SPOPL: variants seen among roughly 807,000 people sequenced by gnomAD.
SPOPL encodes speckle type BTB/POZ protein like, also known as speckle-type POZ protein-like.
A neutral mutation model predicts 53.8 loss-of-function variants in SPOPL; 23 were observed. That is an observed-to-expected ratio of 0.43 (90% CI 0.31 to 0.61). The LOEUF (loss-of-function observed/expected upper bound fraction) is 0.61. SPOPL is among the 20% of genes least tolerant of loss of function. The probability of loss-of-function intolerance (pLI) is 0.12; values close to 1 mark genes in which losing one functional copy is unlikely to be tolerated. For synonymous variants in SPOPL, 164 were observed against 149.7 expected, an observed-to-expected ratio of 1.10 and a Z score of -0.70; for missense variants, 442 against 466.9, an observed-to-expected ratio of 0.95 and a Z score of 0.49.
intron 4 of SPOPL, among the ~76,000 whole-genome samples, chr2:138,551,405 GT>G (rs1685311346): frequency 6.6e-6 from 1 of 151,904 alleles, no homozygotes; most frequent in South Asian, 2.1e-4. Context: ...TTTTTGCCAG[GT>G]AATAAAATCT....
At chr2:138,566,284 G>A (rs183332270) in intron 10 of SPOPL, among the ~76,000 whole-genome samples, 114 of 152,114 alleles carry the variant, frequency 7.5e-4, no homozygotes, top group African/African-American at 2.4e-3. Flanking sequence ...TGAGTTTAAA[G>A]TATACTATAT....
At position 138,554,418 on chromosome 2, in the gene SPOPL, C is replaced by T. The variant is rs150308256; in HGVS notation, c.480+1737C>T. The T allele has an allele frequency of 1.4e-5, 17 of 1,208,122 alleles. No homozygotes were observed. In the East Asian group the frequency reaches 4.4e-4, roughly 31 times the overall value. The allele number at this position is 1,208,122 out of a possible 1,614,324, so 74.8% of individuals were successfully genotyped here. On this transcript the variant is annotated intron_variant, in intron 5 of 10. Transcript: ENST00000280098. Reference sequence around the variant, plus strand: ...TCCACTGTTTGTTCCACCCCGCTCACGGATGCCCTTCCTTCTACAGAATCT... The same window carrying T: ...TCCACTGTTTGTTCCACCCCGCTCATGGATGCCCTTCCTTCTACAGAATCT...
intron 1 of SPOPL, among the ~76,000 whole-genome samples, chr2:138,542,671 G>C (rs1411255392): frequency 6.6e-6 from 1 of 152,062 alleles, no homozygotes; most frequent in Non-Finnish European, 1.5e-5. Flanking sequence ...CACACTGATG[G>C]GTCTTGACTC....
At chr2:138,541,643 T>C (rs1372181202) in intron 1 of SPOPL, among the ~76,000 whole-genome samples, 1 of 152,220 alleles carries the variant, frequency 6.6e-6, no homozygotes, top group Non-Finnish European at 1.5e-5. Flanking sequence ...TTTATTAGTC[T>C]TGCTAGCGGT....
At chr2:138,505,594 T>TAAAAAAAAAA (rs1169614974) in intron 1 of SPOPL, among the ~76,000 whole-genome samples, 3 of 75,086 alleles carry the variant, frequency 4.0e-5, no homozygotes, top group African/African-American at 1.4e-4. Context: ...GTGTCTCTTC[T>TAAAAAAAAAA]AAAAAAAAAA....
intron 1 of SPOPL, among the ~76,000 whole-genome samples, chr2:138,535,611 G>A (rs1002772594): frequency 1.3e-5 from 1 of 79,488 alleles, no homozygotes; most frequent in Non-Finnish European, 2.4e-5. Flanking sequence ...CCATGTGTTT[G>A]TGGGTTTCTT....
rs1331504191 is a variant in SPOPL, at chr2:138,510,964, T to A, written c.-61+8845T>A. ...ACTTAGGATCAGTTTAAACCTTTAC[T>A]AACTGTTTAGGAATTAAGTTTTGGT... On this transcript the variant is annotated intron_variant, in intron 1 of 10. Coordinates refer to ENST00000280098, the MANE Select transcript of SPOPL (RefSeq NM_001001664.3). 7.9e-5 allele frequency among the ~76,000 whole-genome samples: 12 copies of A among 152,188 alleles called. 1 individual carries two copies. The highest frequency in any genetic ancestry group is 7.9e-4 in the Admixed American group (12 of 15,270).
intron 1 of SPOPL, among the ~76,000 whole-genome samples, chr2:138,506,903 G>A (rs1290868796): frequency 1.3e-5 from 2 of 152,148 alleles, no homozygotes; most frequent in Non-Finnish European, 2.9e-5. Context: ...TAAGCCCTAT[G>A]AATCTTTCAC....
intron 1 of SPOPL, among the ~76,000 whole-genome samples, chr2:138,511,525 A>G (rs1179373618): frequency 6.6e-6 from 1 of 152,202 alleles, no homozygotes; most frequent in African/African-American, 2.4e-5. Context: ...TATCTCATTT[A>G]CTTCTAATCA....
chr2:138,552,449 G>A (rs1407340005), intron 4 of SPOPL, 105 bp from the exon 5 acceptor site: 1 of 1,308,914 alleles, frequency 7.6e-7, no homozygotes, highest in East Asian at 2.5e-5. Context: ...TATGATGGAT[G>A]TATTGACAAG....
At chr2:138,552,844 TCAGTGTAATGACC>T (rs1258954382) in intron 5 of SPOPL, among the ~76,000 whole-genome samples, 163 bp downstream of exon 5, 1 of 152,066 alleles carries the variant, frequency 6.6e-6, no homozygotes, top group Non-Finnish European at 1.5e-5. Flanking sequence ...TTGACACAAA[TCAGTGTAATGACC>T]CAGTCTGGAA....
At chr2:138,527,462 A>G (rs1474462966) in intron 1 of SPOPL, among the ~76,000 whole-genome samples, 1 of 152,082 alleles carries the variant, frequency 6.6e-6, no homozygotes, top group Non-Finnish European at 1.5e-5. Flanking sequence ...CTATTAATGC[A>G]TCAGTTATGA....
chr2:138,527,280 T>G (rs1482774360), intron 1 of SPOPL, among the ~76,000 whole-genome samples: 1 of 152,138 alleles, frequency 6.6e-6, no homozygotes, highest in East Asian at 1.9e-4. Flanking sequence ...GAAATAATCT[T>G]GTGTTTTTCT....
intron 5 of SPOPL, among the ~76,000 whole-genome samples, chr2:138,558,141 A>G (rs1034267430): frequency 6.6e-6 from 1 of 152,216 alleles, no homozygotes; most frequent in Non-Finnish European, 1.5e-5. Flanking sequence ...AGCCTAGGCA[A>G]CAGAGCCAGA....
chr2:138,537,436 C>G (rs1326019571), intron 1 of SPOPL, among the ~76,000 whole-genome samples: 2 of 152,138 alleles, frequency 1.3e-5, no homozygotes, highest in Non-Finnish European at 2.9e-5. Context: ...CATACAGTGT[C>G]TGGAATCTAT....
At chr2:138,551,187 CATT>C (rs1685307264) in intron 4 of SPOPL, 133 bp downstream of exon 4, 2 of 967,192 alleles carry the variant, frequency 2.1e-6, no homozygotes, top group African/African-American at 3.3e-5. Context: ...TTAATTTGAC[CATT>C]ATTTAAATCC....
intron 1 of SPOPL, among the ~76,000 whole-genome samples, chr2:138,525,301 G>A (rs531112616): frequency 3.9e-5 from 6 of 151,994 alleles, no homozygotes; most frequent in East Asian, 1.9e-4. Flanking sequence ...GGAAAGACCC[G>A]CCCCCATGAC....
intron 1 of SPOPL, among the ~76,000 whole-genome samples, chr2:138,544,669 C>T (rs1260630083): frequency 1.3e-5 from 2 of 152,206 alleles, no homozygotes; most frequent in Non-Finnish European, 2.9e-5. Context: ...ATTCCCTGAC[C>T]CCTTGTGCTT....
chr2:138,514,263 A>G (rs1016861272), intron 1 of SPOPL, among the ~76,000 whole-genome samples: 10 of 152,304 alleles, frequency 6.6e-5, no homozygotes, highest in African/African-American at 2.4e-4. Flanking sequence ...CAATCAACAT[A>G]TGTAAAATTA....
Sources: gnomAD v4.1 joint callset for allele counts (sites outside exome capture counted in the v4.1 genomes callset) on GRCh38, gnomAD v4.1.1 for gene constraint, MANE v1.5 for transcripts, NCBI Gene and HGNC (gene_info 2026-07-23, HGNC 2026-07-21) for gene names.